LIMS1: variants seen among roughly 807,000 people sequenced by gnomAD.
LIMS1 encodes the protein LIM zinc finger domain containing 1.
Under a neutral mutation model 44.1 loss-of-function variants are expected in LIMS1, and 18 were observed. The observed-to-expected ratio is 0.41, with a 90% confidence interval of 0.28 to 0.61. The LOEUF (loss-of-function observed/expected upper bound fraction) is 0.61, where lower values mean the gene tolerates loss of function less well. Ranked by LOEUF, LIMS1 falls within the 20% of genes least tolerant of loss-of-function variation. LIMS1 has a pLI of 0.32. For missense variants in LIMS1, 201 were observed against 422.0 expected, an observed-to-expected ratio of 0.48 and a Z score of 4.59; for synonymous variants, 93 against 149.1, an observed-to-expected ratio of 0.62 and a Z score of 2.74.
intron 1 of LIMS1, among the ~76,000 whole-genome samples, chr2:108,552,364 A>C (rs1370420041): frequency 7.1e-6 from 1 of 141,330 alleles, no homozygotes; most frequent in African/African-American, 2.6e-5. Flanking sequence ...ACTATATACT[A>C]TACGTATAGT....
chr2:108,649,608 G>A (rs1317538915), intron 1 of LIMS1, among the ~76,000 whole-genome samples: 1 of 152,194 alleles, frequency 6.6e-6, no homozygotes, highest in East Asian at 1.9e-4. Context: ...TAAAGAAAAT[G>A]TAGCATATAT....
intron 1 of LIMS1, among the ~76,000 whole-genome samples, chr2:108,637,863 ATTTT>A (rs11312101): frequency 6.9e-6 from 1 of 143,906 alleles, no homozygotes; most frequent in Non-Finnish European, 1.5e-5. Flanking sequence ...AAATTTTAAG[ATTTT>A]TTTTTTTTTT....
chr2:108,677,935 A>G, intron 7 of LIMS1, 44 bp from the exon 8 acceptor site: 1 of 1,557,060 alleles, frequency 6.4e-7, no homozygotes, highest in Non-Finnish European at 8.7e-7. Context: ...TGTTCTAAAA[A>G]TTCTAACACA....
At chr2:108,677,923 A>G (rs944079423) in intron 7 of LIMS1, 56 bp from the exon 8 acceptor site, 10 of 1,523,042 alleles carry the variant, frequency 6.6e-6, no homozygotes, top group Non-Finnish European at 8.9e-6. Flanking sequence ...TTAAATGTTC[A>G]GTGTTCTAAA....
intron 1 of LIMS1, among the ~76,000 whole-genome samples, chr2:108,548,891 G>A (rs1684579678): frequency 1.3e-5 from 2 of 152,308 alleles, no homozygotes; most frequent in South Asian, 4.1e-4. Context: ...GTTTTGCACT[G>A]TCATGCTTTC....
At position 108,555,276 on chromosome 2, in the gene LIMS1, G is replaced by A. The variant is rs559134013; in HGVS notation, c.32+20682G>A. 3.9e-5 allele frequency among the ~76,000 whole-genome samples: 6 copies of A among 152,222 alleles called. No homozygotes were observed. The South Asian group carries it at 6.2e-4, about 16-fold the overall frequency. ...CAAATAATGAAGCATAGCTGTGACC[G>A]TATTTCCACTGGCAGCCATTCTGTG... On this transcript the variant is annotated intron_variant, in intron 1 of 9. Transcript: ENST00000544547.
At chr2:108,534,530 G>T (rs1573278214) in exon 1 of LIMS1, 2 of 1,207,250 alleles carry the variant, frequency 1.7e-6, no homozygotes, top group African/African-American at 1.6e-5. Context: ...GGAGACGAGG[G>T]GCTGAGAGAC....
intron 1 of LIMS1, among the ~76,000 whole-genome samples, chr2:108,557,762 T>C (rs1312813987): frequency 6.6e-6 from 1 of 152,150 alleles, no homozygotes; most frequent in African/African-American, 2.4e-5. Context: ...GTGATCCACC[T>C]GCCTCAGCCT....
chr2:108,633,300 A>G (rs191568598), intron 1 of LIMS1, among the ~76,000 whole-genome samples: 1 of 152,308 alleles, frequency 6.6e-6, no homozygotes, highest in East Asian at 1.9e-4. Flanking sequence ...TTTGTCTGTA[A>G]TAGGTTAGAA....
intron 1 of LIMS1, among the ~76,000 whole-genome samples, chr2:108,632,821 G>C (rs531721273): frequency 1.8e-3 from 271 of 152,270 alleles, no homozygotes; most frequent in Non-Finnish European, 3.4e-3. Context: ...AAACCAAAAG[G>C]AAGGTAAATT....
chr2:108,643,585 C>A (rs1395524808), intron 1 of LIMS1, among the ~76,000 whole-genome samples: 1 of 133,290 alleles, frequency 7.5e-6, no homozygotes, highest in African/African-American at 2.6e-5. Context: ...ACCGAGCTAG[C>A]CAGTTTTTTT....
chr2:108,612,027 T>TACACAC (rs1171142390), intron 1 of LIMS1, among the ~76,000 whole-genome samples: 1 of 57,692 alleles, frequency 1.7e-5, no homozygotes, highest in African/African-American at 6.4e-5. Flanking sequence ...TACACACACA[T>TACACAC]ATACACACAC....
At chr2:108,540,763 T>G (rs1329246390) in intron 1 of LIMS1, among the ~76,000 whole-genome samples, 3 of 152,196 alleles carry the variant, frequency 2.0e-5, no homozygotes, top group Non-Finnish European at 4.4e-5. Context: ...GAAGGTAAAA[T>G]AGTTTATTCA....
intron 9 of LIMS1, chr2:108,681,634 A>C: frequency 2.8e-5 from 27 of 952,968 alleles, no homozygotes; most frequent in Non-Finnish European, 3.2e-5. Flanking sequence ...AAATTATTTC[A>C]GCATGGCGAG....
chr2:108,675,330 G>C lies in LIMS1; in HGVS notation c.531-548G>C, dbSNP rs59234056. Among the ~76,000 whole-genome samples, 15 of 151,964 alleles carry C rather than the reference G, an allele frequency of 9.9e-5. No individual in the cohort carries two copies. In the East Asian group the frequency reaches 2.5e-3, roughly 26 times the overall value. Reference sequence around the variant, plus strand: ...GCATCACATGGTGGGGGAAGAGGAGGGGGGAAGGAAGAGAAGGAAGGAGGC... The same window carrying C: ...GCATCACATGGTGGGGGAAGAGGAGCGGGGAAGGAAGAGAAGGAAGGAGGC... On this transcript the variant is annotated intron_variant, in intron 5 of 9. Transcript: ENST00000544547.
At chr2:108,579,341 T>C (rs1183696525) in intron 1 of LIMS1, among the ~76,000 whole-genome samples, 1 of 152,222 alleles carries the variant, frequency 6.6e-6, no homozygotes, top group Non-Finnish European at 1.5e-5. Context: ...ATTTTACTTG[T>C]ACTCAGTGTA....
chr2:108,683,804 A>G (rs1693165662), intron 9 of LIMS1, 81 bp from the exon 10 acceptor site: 3 of 699,086 alleles, frequency 4.3e-6, no homozygotes, highest in East Asian at 2.8e-5. Flanking sequence ...TTAGTTCAGT[A>G]CAATTACTGC....
At chr2:108,582,606 A>G (rs1685930220) in intron 1 of LIMS1, among the ~76,000 whole-genome samples, 1 of 152,140 alleles carries the variant, frequency 6.6e-6, no homozygotes, top group South Asian at 2.1e-4. Flanking sequence ...CATTTCTACT[A>G]AAAATATGAA....
rs185046463 is a variant in LIMS1, at chr2:108,561,689, A to G, written c.32+27095A>G. On this transcript the variant is annotated intron_variant, in intron 1 of 9. Transcript: ENST00000544547. Reference sequence around the variant, plus strand: ...CTTTGGTAATTCTCACAATATTTCAAACTTCTTTGTTATGATTATATGTTG... The same window carrying G: ...CTTTGGTAATTCTCACAATATTTCAGACTTCTTTGTTATGATTATATGTTG... Among the ~76,000 whole-genome samples the G allele has an allele frequency of 1.1e-4, 17 of 151,470 alleles. No individual in the cohort carries two copies. In the East Asian group the frequency reaches 3.3e-3, roughly 29 times the overall value.
Sources: allele counts gnomAD v4.1 joint callset (sites outside exome capture counted in the v4.1 genomes callset), GRCh38; gene constraint gnomAD v4.1.1; transcripts MANE v1.5; gene names NCBI Gene and HGNC (gene_info 2026-07-23, HGNC 2026-07-21).